Variants in TENM2 observed in about 807,000 individuals in gnomAD.
TENM2 encodes the protein teneurin transmembrane protein 2, also known as teneurin-2.
A neutral mutation model predicts 245.2 loss-of-function variants in TENM2; 52 were observed. The observed-to-expected ratio is 0.21, with a 90% CI of 0.17 to 0.27. The LOEUF is 0.27. TENM2 is among the 10% of genes least tolerant of loss of function. The probability of loss-of-function intolerance (pLI) is 1.00; values close to 1 mark genes in which losing one functional copy is unlikely to be tolerated. For missense variants in TENM2, 3,046 were observed against 3,666.8 expected, an observed-to-expected ratio of 0.83 and a Z score of 4.37; for synonymous variants, 1,363 against 1,438.9, an observed-to-expected ratio of 0.95 and a Z score of 1.19.
At chr5:168,194,681 C>T (rs1761235951) in intron 14 of TENM2, among the ~76,000 whole-genome samples, 1 of 152,054 alleles carries the variant, frequency 6.6e-6, no homozygotes, top group African/African-American at 2.4e-5. Context: ...TCTTAGAGGG[C>T]AGCAAAAGAC....
At chr5:167,697,643 G>A (rs1212459852) in intron 2 of TENM2, among the ~76,000 whole-genome samples, 1 of 152,078 alleles carries the variant, frequency 6.6e-6, no homozygotes, top group Non-Finnish European at 1.5e-5. Flanking sequence ...TCCTGCCTCA[G>A]CCTCCCTACT....
At chr5:167,864,275 G>T (rs1048225446) in intron 2 of TENM2, among the ~76,000 whole-genome samples, 1 of 152,100 alleles carries the variant, frequency 6.6e-6, no homozygotes, top group Non-Finnish European at 1.5e-5. Context: ...CCAATAATGA[G>T]AATGAAAACA....
chr5:167,621,468 G>A (rs1778168361), intron 2 of TENM2, among the ~76,000 whole-genome samples: 1 of 152,100 alleles, frequency 6.6e-6, no homozygotes, highest in African/African-American at 2.4e-5. Flanking sequence ...CAGGATCCAG[G>A]GAAAGGTAGG....
chr5:167,381,822 A>G (rs1561910703), intron 2 of TENM2, among the ~76,000 whole-genome samples: 1 of 152,188 alleles, frequency 6.6e-6, no homozygotes, highest in Admixed American at 6.5e-5. Context: ...CAGAGCTAGA[A>G]TGTTACTTCT....
intron 5 of TENM2, among the ~76,000 whole-genome samples, chr5:168,036,707 G>GTATATATA (rs202165206): frequency 8.0e-4 from 91 of 114,158 alleles, no homozygotes; most frequent in African/African-American, 3.4e-3. Flanking sequence ...ATATGTATGT[G>GTATATATA]TATATATATG....
chr5:167,740,413 C>G (rs1198837086), intron 2 of TENM2, among the ~76,000 whole-genome samples: 3 of 152,136 alleles, frequency 2.0e-5, no homozygotes, highest in Non-Finnish European at 4.4e-5. Context: ...GAATGCTTCT[C>G]TTGTGTGTTT....
chr5:167,127,209 C>T, the TENM2 span, among the ~76,000 whole-genome samples: 1 of 152,088 alleles, frequency 6.6e-6, no homozygotes, highest in Non-Finnish European at 1.5e-5. Flanking sequence ...TCTATAAAAA[C>T]AGTCCCTTTT....
the TENM2 span, among the ~76,000 whole-genome samples, chr5:167,052,201 G>A: frequency 6.6e-6 from 1 of 152,034 alleles, no homozygotes. Flanking sequence ...GAGTAGGAGG[G>A]ATGGAGAATA....
chr5:167,897,890 G>GTTT (rs35680049), intron 3 of TENM2, among the ~76,000 whole-genome samples: 14 of 89,262 alleles, frequency 1.6e-4, no homozygotes, highest in African/African-American at 2.4e-4. Context: ...GTAGTAAATT[G>GTTT]TTTTTTTTTT....
At chr5:168,017,520 C>G (rs1053883343) in intron 5 of TENM2, among the ~76,000 whole-genome samples, 1 of 152,224 alleles carries the variant, frequency 6.6e-6, no homozygotes, top group Non-Finnish European at 1.5e-5. Context: ...ACTTTCCCCA[C>G]TCTGGGTGTG....
chr5:168,030,824 GT>G (rs952660982), intron 5 of TENM2, among the ~76,000 whole-genome samples: 2 of 152,144 alleles, frequency 1.3e-5, no homozygotes, highest in Admixed American at 1.3e-4. Flanking sequence ...CATCTAATGT[GT>G]TTTTTACACA....
At chr5:167,060,741 T>C in the TENM2 span, among the ~76,000 whole-genome samples, 2 of 152,088 alleles carry the variant, frequency 1.3e-5, no homozygotes. Context: ...TTTCAACATG[T>C]AATTAATGTA....
the TENM2 span, among the ~76,000 whole-genome samples, chr5:167,159,100 G>A: frequency 6.6e-6 from 1 of 151,486 alleles, no homozygotes; most frequent in Non-Finnish European, 1.5e-5. Flanking sequence ...TTATAGGCAA[G>A]CATGGCTAAT....
chr5:168,005,709 A>G lies in TENM2; in HGVS notation c.1186+12527A>G, dbSNP rs151237697. ...GAGACCCCCAACATGAAAAGTAACT[A>G]GGTATGAATTGCAGAAACATAGAAA... On this transcript the variant is annotated intron_variant, in intron 5 of 28. Transcript: ENST00000518659. Among the ~76,000 whole-genome samples, 21 of 152,314 alleles carry G rather than the reference A, an allele frequency of 1.4e-4. No homozygotes were observed. In the South Asian group the frequency reaches 3.7e-3, roughly 27 times the overall value.
At chr5:167,610,906 G>C (rs941520740) in intron 2 of TENM2, among the ~76,000 whole-genome samples, 5 of 152,154 alleles carry the variant, frequency 3.3e-5, no homozygotes, top group Non-Finnish European at 7.4e-5. Context: ...AAAGGAGACA[G>C]TCCCTTATAA....
At chr5:167,218,036 T>TCCATAA in the TENM2 span, among the ~76,000 whole-genome samples, 2 of 152,128 alleles carry the variant, frequency 1.3e-5, no homozygotes, top group African/African-American at 4.8e-5. Flanking sequence ...ATTGATGCTT[T>TCCATAA]CCATAATGAG....
chr5:167,402,954 G>T (rs1762439769), intron 2 of TENM2, among the ~76,000 whole-genome samples: 1 of 152,058 alleles, frequency 6.6e-6, no homozygotes, highest in Non-Finnish European at 1.5e-5. Context: ...CCTTATAAAA[G>T]AAGTATATGC....
At chr5:167,766,209 A>G (rs1763007904) in intron 2 of TENM2, among the ~76,000 whole-genome samples, 1 of 152,170 alleles carries the variant, frequency 6.6e-6, no homozygotes. Flanking sequence ...CACCTTGAAA[A>G]TAGAGAGGGA....
the TENM2 span, among the ~76,000 whole-genome samples, chr5:167,081,810 C>A: frequency 6.6e-6 from 1 of 152,188 alleles, no homozygotes. Flanking sequence ...TGAATGGCAG[C>A]AGAAAGATTC....
Sources: gnomAD v4.1 joint callset for allele counts (sites outside exome capture counted in the v4.1 genomes callset) on GRCh38, gnomAD v4.1.1 for gene constraint, MANE v1.5 for transcripts, NCBI Gene and HGNC (gene_info 2026-07-23, HGNC 2026-07-21) for gene names.